EPAS1: variants seen among roughly 807,000 people sequenced by gnomAD.
EPAS1 encodes endothelial PAS domain-containing protein 1.
Under a neutral mutation model 87.9 loss-of-function variants are expected in EPAS1, and 23 were observed. That is an observed-to-expected ratio of 0.26 (90% CI 0.19 to 0.37). EPAS1 has a LOEUF of 0.37. Ranked by LOEUF, EPAS1 falls within the 10% of genes least tolerant of loss-of-function variation. EPAS1 has a pLI of 1.00. For missense variants in EPAS1, 1,138 were observed against 1,120.7 expected (o/e 1.02, Z -0.22); for synonymous variants, 508 against 444.3 (o/e 1.14, Z -1.80).
In EPAS1 at chr2:46,368,832, T is replaced by C. The variant is rs112147536; in HGVS notation, c.780-995T>C. Among the ~76,000 whole-genome samples, 503 of 152,188 alleles carry C rather than the reference T, an allele frequency of 3.3e-3. 4 individuals are homozygous for C. The highest frequency in any genetic ancestry group is 0.011 in the African/African-American group (477 of 41,494). ...TTTAAAGTCTGTGAGAGAACCAAGA[T>C]TTTGAGAGATAATATGGAGGTATTA... On this transcript the variant is annotated intron_variant, in intron 6 of 15. Coordinates refer to ENST00000263734, the MANE Select transcript of EPAS1 (RefSeq NM_001430.5).
chr2:46,383,999 C>T (rs1339969587), intron 15 of EPAS1, among the ~76,000 whole-genome samples: 5 of 152,118 alleles, frequency 3.3e-5, no homozygotes, highest in African/African-American at 7.2e-5. Flanking sequence ...GTGTGTGCTG[C>T]GAGTGTCCCC....
intron 1 of EPAS1, among the ~76,000 whole-genome samples, chr2:46,319,036 C>A (rs1441192692): frequency 6.6e-6 from 1 of 152,314 alleles, no homozygotes; most frequent in East Asian, 1.9e-4. Context: ...AAAGCAGCAT[C>A]TTTTCTATAT....
chr2:46,380,742 C>A lies in EPAS1; in HGVS notation c.2045+25C>A. On this transcript the variant is annotated intron_variant, in intron 12 of 15. Coordinates refer to ENST00000263734, the MANE Select transcript of EPAS1 (RefSeq NM_001430.5). This position sits in a 1 kb window ranked among gnomAD's most constrained non-coding sequence, Gnocchi z 4.4. The stretch of plus-strand genomic sequence containing the variant: ...GGTAAGTGGCAGATACTCAGCTGTA[C>A]CAGCAGGGCCGAACCGAGAGGCACC... The A allele has an allele frequency of 6.2e-7, 1 of 1,604,452 alleles. No individual in the cohort carries two copies.
intron 6 of EPAS1, among the ~76,000 whole-genome samples, chr2:46,367,862 GAAGA>G (rs1029448195): frequency 3.9e-5 from 6 of 152,346 alleles, no homozygotes; most frequent in African/African-American, 7.2e-5. Flanking sequence ...CTTACAGAAT[GAAGA>G]AAGGATGGAT....
intron 1 of EPAS1, among the ~76,000 whole-genome samples, chr2:46,344,480 T>A (rs543272248): frequency 3.0e-4 from 45 of 152,356 alleles, no homozygotes; most frequent in African/African-American, 1.1e-3. Context: ...CACCTGACCC[T>A]CCTGATCCAA....
chr2:46,376,858 T>C, intron 9 of EPAS1, 105 bp downstream of exon 9: 1 of 1,188,492 alleles, frequency 8.4e-7, no homozygotes, highest in Non-Finnish European at 1.2e-6. Flanking sequence ...TAACCAGAGC[T>C]ACCCCAGCCC....
intron 1 of EPAS1, among the ~76,000 whole-genome samples, chr2:46,303,374 A>G (rs1458734985): frequency 6.6e-6 from 1 of 152,202 alleles, no homozygotes; most frequent in Non-Finnish European, 1.5e-5. Context: ...AACGAGAGGA[A>G]AGAAAACACA....
chr2:46,373,123 G>C (rs1005144758), intron 7 of EPAS1, among the ~76,000 whole-genome samples: 3 of 152,078 alleles, frequency 2.0e-5, no homozygotes, highest in African/African-American at 7.2e-5. Flanking sequence ...TAACCCTCTG[G>C]CCTTAGTTTC....
chr2:46,384,704 AC>A lies in EPAS1; in HGVS notation c.*46del. ...GCAGCACCTCTGCCGACGCCGTCCC[AC>A]CAGCTTCACTCTCTCCGTCTGTTTT... On this transcript the variant is annotated 3_prime_UTR_variant, in exon 16 of 16. Transcript: ENST00000263734. 1 of 1,605,588 alleles carries A rather than the reference AC, an allele frequency of 6.2e-7. No homozygotes were observed.
At chr2:46,356,937 T>A (rs544076595) in intron 4 of EPAS1, 129 bp downstream of exon 4, 3 of 712,914 alleles carry the variant, frequency 4.2e-6, no homozygotes, top group South Asian at 3.0e-5. Context: ...CCTTAAAAAA[T>A]TTAAGTATGT....
chr2:46,307,862 C>A lies in EPAS1; in HGVS notation c.26+9925C>A, dbSNP rs187003095. On this transcript the variant is annotated intron_variant, in intron 1 of 15. Coordinates refer to ENST00000263734, the MANE Select transcript of EPAS1 (RefSeq NM_001430.5). ...GTCCTATCCTCGGAGCACAGAGAAT[C>A]TTCAGAGTGGGATAGGGGTTTCTTT... is the stretch of plus-strand genomic sequence containing the variant. Among the ~76,000 whole-genome samples, 1,290 of 152,280 alleles carry A rather than the reference C, an allele frequency of 8.5e-3. 61 individuals are homozygous for A. Among genetic ancestry groups the A allele is most frequent in the Admixed American group, 0.077 (1,183 of 15,284 alleles).
At chr2:46,307,607 C>T (rs553802637) in intron 1 of EPAS1, among the ~76,000 whole-genome samples, 129 of 152,226 alleles carry the variant, frequency 8.5e-4, no homozygotes, top group African/African-American at 3.0e-3. Flanking sequence ...TGGTAAGGGC[C>T]TTTGTCATGG....
In EPAS1 at chr2:46,302,840, G is replaced by A. The variant is rs1008930352; in HGVS notation, c.26+4903G>A. ...TGTAATCCCAGCACTTTGAGAGGCCGAGGCAGGCAGATCACGAGGTCAGGA... is the reference window on the plus strand; with the variant it reads ...TGTAATCCCAGCACTTTGAGAGGCCAAGGCAGGCAGATCACGAGGTCAGGA... On this transcript the variant is annotated intron_variant, in intron 1 of 15. Transcript: ENST00000263734. Among the ~76,000 whole-genome samples, 18 of 152,026 alleles carry A rather than the reference G, an allele frequency of 1.2e-4. No homozygotes were observed. In the South Asian group the frequency reaches 3.3e-3, roughly 28 times the overall value.
At chr2:46,320,406 T>G (rs540678316) in intron 1 of EPAS1, among the ~76,000 whole-genome samples, 1 of 152,364 alleles carries the variant, frequency 6.6e-6, no homozygotes, top group South Asian at 2.1e-4. Context: ...ACAATGCACA[T>G]GGAGCAGCTG....
intron 1 of EPAS1, among the ~76,000 whole-genome samples, chr2:46,303,979 T>G (rs370440447): frequency 6.6e-6 from 1 of 152,206 alleles, no homozygotes; most frequent in African/African-American, 2.4e-5. Flanking sequence ...GCCCTCAGTC[T>G]TGGAAGGACG....
intron 1 of EPAS1, among the ~76,000 whole-genome samples, chr2:46,299,477 A>G (rs943266488): frequency 8.5e-5 from 13 of 152,240 alleles, no homozygotes; most frequent in Non-Finnish European, 1.6e-4. Flanking sequence ...AGCAAGGAAA[A>G]GACTCTTAAG....
chr2:46,356,668 G>T, intron 3 of EPAS1, 56 bp from the exon 4 acceptor site: 1 of 1,377,722 alleles, frequency 7.3e-7, no homozygotes, highest in Non-Finnish European at 1.0e-6. Flanking sequence ...GCTTACTCTT[G>T]GAGTCTTTTA....
intron 1 of EPAS1, among the ~76,000 whole-genome samples, chr2:46,302,531 C>G (rs1683028747): frequency 6.6e-6 from 1 of 152,026 alleles, no homozygotes; most frequent in South Asian, 2.1e-4. Flanking sequence ...GGCCCTAGTA[C>G]TCTGTACTTC....
chr2:46,302,633 A>G (rs1481221667), intron 1 of EPAS1, among the ~76,000 whole-genome samples: 1 of 151,806 alleles, frequency 6.6e-6, no homozygotes, highest in African/African-American at 2.4e-5. Flanking sequence ...AAGATGACAA[A>G]CTTGTATTCA....
Sources: allele counts gnomAD v4.1 joint callset (sites outside exome capture counted in the v4.1 genomes callset), GRCh38; gene constraint gnomAD v4.1.1; non-coding constraint Gnocchi (gnomAD v3.1); transcripts MANE v1.5; gene names NCBI Gene and HGNC (gene_info 2026-07-23, HGNC 2026-07-21).